TSHZ2: variants seen among roughly 807,000 people sequenced by gnomAD.
TSHZ2 encodes the protein teashirt zinc finger homeobox 2.
Under a neutral mutation model 74.4 loss-of-function variants are expected in TSHZ2, and 21 were observed. The ratio of observed to expected loss-of-function variants is 0.28; its 90% confidence interval spans 0.20 to 0.41. The LOEUF is 0.41. TSHZ2 is among the 10% of genes least tolerant of loss of function. TSHZ2 has a pLI of 1.00. For synonymous variants in TSHZ2, 540 were observed against 515.3 expected (o/e 1.05, Z -0.65); for missense variants, 1,244 against 1,293.5 (o/e 0.96, Z 0.59).
intron 1 of TSHZ2, among the ~76,000 whole-genome samples, chr20:53,236,662 A>G (rs1266094168): frequency 1.3e-5 from 2 of 152,210 alleles, no homozygotes; most frequent in Non-Finnish European, 1.5e-5. Flanking sequence ...ACGCTGCTCT[A>G]AAGAACTGCC....
chr20:53,407,531 G>A (rs545425783), intron 2 of TSHZ2, among the ~76,000 whole-genome samples: 6 of 152,296 alleles, frequency 3.9e-5, no homozygotes, highest in Admixed American at 2.6e-4. Flanking sequence ...ATGGAATCTC[G>A]TGGAAATGAA....
intron 1 of TSHZ2, among the ~76,000 whole-genome samples, chr20:53,097,405 TC>T (rs148977934): frequency 0.067 from 10,191 of 152,250 alleles, 436 homozygotes; most frequent in Non-Finnish European, 0.1. Flanking sequence ...AACTCTGATT[TC>T]CTGATGCAGA....
At chr20:53,399,721 C>T (rs6068537) in intron 2 of TSHZ2, 31,804 of 151,846 alleles carry the variant, frequency 0.21, 3,489 homozygotes, top group South Asian at 0.33. Context: ...CCTTGCCAGT[C>T]GCTGCTGACC....
intron 1 of TSHZ2, among the ~76,000 whole-genome samples, chr20:53,147,181 T>G (rs1987562243): frequency 6.6e-6 from 1 of 152,258 alleles, no homozygotes; most frequent in Non-Finnish European, 1.5e-5. Flanking sequence ...CTCTCATTAT[T>G]GGCTTTATAC....
At chr20:53,247,839 G>C (rs1429269320) in intron 1 of TSHZ2, among the ~76,000 whole-genome samples, 1 of 152,150 alleles carries the variant, frequency 6.6e-6, no homozygotes, top group Non-Finnish European at 1.5e-5. Context: ...GTTTTAAATT[G>C]TTCTTATGTT....
chr20:53,028,409 C>T lies in TSHZ2; in HGVS notation c.40+55076C>T, dbSNP rs558993624. On this transcript the variant is annotated intron_variant, in intron 1 of 2. Transcript: ENST00000371497. ...CAACAGCAATGTGGGCCACAGAACCCGGTGGCGGGAACCCTGGGCTTTGTT... is the reference window on the plus strand; with the variant it reads ...CAACAGCAATGTGGGCCACAGAACCTGGTGGCGGGAACCCTGGGCTTTGTT... Among the ~76,000 whole-genome samples the T allele has an allele frequency of 2.4e-4, 37 of 152,368 alleles. 1 individual carries two copies. In the South Asian group the frequency reaches 5.0e-3, roughly 20 times the overall value.
chr20:53,304,467 C>T (rs1978437407), intron 2 of TSHZ2, among the ~76,000 whole-genome samples: 1 of 151,938 alleles, frequency 6.6e-6, no homozygotes, highest in Non-Finnish European at 1.5e-5. Context: ...CACCATTCTA[C>T]CACCCCAAGA....
rs1011817958 is a variant in TSHZ2 at position 53,494,323 on chromosome 20, G to C, written c.*7188G>C. 6.6e-6 allele frequency: 1 copy of C among 151,716 alleles called. No homozygotes were observed. The highest frequency in any genetic ancestry group is 1.5e-5 in the Non-Finnish European group (1 of 68,072). 9.4% of individuals were successfully genotyped at this position (151,716 alleles called of 1,614,324 possible). A position where few individuals can be genotyped will look rare whatever the true frequency, so the allele number is the denominator to read the frequency against. On this transcript the variant is annotated 3_prime_UTR_variant, in exon 3 of 3. Transcript: ENST00000371497. ...AAAAGAATGGATTTTCAGAAAAAGT[G>C]CTCCCTTTCCTGTCCTGTGGTGCCA...
chr20:53,274,044 G>T (rs567759181), intron 2 of TSHZ2, among the ~76,000 whole-genome samples: 3 of 152,188 alleles, frequency 2.0e-5, no homozygotes, highest in Non-Finnish European at 4.4e-5. Flanking sequence ...ACTTTGGGAG[G>T]CCAAGGCGGG....
At chr20:53,447,337 T>C (rs1192724844) in intron 2 of TSHZ2, among the ~76,000 whole-genome samples, 1 of 152,222 alleles carries the variant, frequency 6.6e-6, no homozygotes, top group Non-Finnish European at 1.5e-5. Context: ...ATAAATCCCA[T>C]GGAAATGTGT....
chr20:53,173,199 C>A (rs1988243351), intron 1 of TSHZ2, among the ~76,000 whole-genome samples: 1 of 152,114 alleles, frequency 6.6e-6, no homozygotes, highest in African/African-American at 2.4e-5. Context: ...ATAACTTTAA[C>A]AAAATAAAAT....
intron 1 of TSHZ2, among the ~76,000 whole-genome samples, chr20:53,206,210 G>T (rs187601315): frequency 1.8e-4 from 28 of 152,212 alleles, no homozygotes; most frequent in Non-Finnish European, 5.9e-5. Flanking sequence ...AGAGCCAGAC[G>T]CCGTCTCAAA....
chr20:53,257,848 G>A (rs1353309725), intron 2 of TSHZ2, among the ~76,000 whole-genome samples: 2 of 152,064 alleles, frequency 1.3e-5, no homozygotes, highest in African/African-American at 2.4e-5. Flanking sequence ...ACATATAATC[G>A]CTCACCACAC....
chr20:53,376,443 C>A (rs1981659370), intron 2 of TSHZ2, among the ~76,000 whole-genome samples: 6 of 152,238 alleles, frequency 3.9e-5, no homozygotes, highest in Admixed American at 3.9e-4. Context: ...TCTTGTCTGA[C>A]TTCTTGGGGC....
At chr20:53,409,784 G>A (rs534282443) in intron 2 of TSHZ2, among the ~76,000 whole-genome samples, 4 of 151,416 alleles carry the variant, frequency 2.6e-5, no homozygotes, top group African/African-American at 9.7e-5. Context: ...GCAGAGCTGG[G>A]GACAAAGCCT....
Position 53,254,546 on chromosome 20 carries a change from A to G in TSHZ2, c.1088A>G (p.Gln363Arg). Residue 363 changes from glutamine (Q) to arginine (R), a missense_variant, in exon 2 of 3, where the codon CAA becomes CGA. By Grantham distance (43) the Gln-to-Arg change is conservative. This residue lies in a region of TSHZ2 where 470 missense variants were observed against 456.5 expected (regional missense o/e 1.03). Coordinates refer to ENST00000371497, the MANE Select transcript of TSHZ2 (RefSeq NM_173485.6). ...QLSSNNRYGY[Q>R]NGASYTWQFE... is the part of the protein sequence containing the mutation. Reference sequence around the variant, plus strand: ...TCCTCCAACAACCGCTATGGCTACCAAAATGGAGCCAGCTACACCTGGCAG... The same window carrying G: ...TCCTCCAACAACCGCTATGGCTACCGAAATGGAGCCAGCTACACCTGGCAG... 2 of 1,613,846 alleles carry G rather than the reference A, an allele frequency of 1.2e-6. No homozygotes were observed. Among genetic ancestry groups the G allele is most frequent in the South Asian group, 1.1e-5 (1 of 91,078 alleles).
chr20:53,276,908 C>T (rs1020595523), intron 2 of TSHZ2, among the ~76,000 whole-genome samples: 4 of 152,184 alleles, frequency 2.6e-5, no homozygotes, highest in Non-Finnish European at 5.9e-5. Flanking sequence ...ACACTCTGTC[C>T]TTTGTGAGAT....
In TSHZ2 at chr20:53,254,526, C is replaced by T; in HGVS notation, c.1068C>T (p.Ser356=). 1 of 1,614,100 alleles carries T rather than the reference C, an allele frequency of 6.2e-7. No individual in the cohort carries two copies. Among genetic ancestry groups the T allele is most frequent in the Non-Finnish European group, 8.5e-7 (1 of 1,179,990 alleles). ...SQKNANLQLS[S]NNRYGYQNGA... Reference sequence around the variant, plus strand: ...AGAACGCCAACTTGCAGTTGTCCTCCAACAACCGCTATGGCTACCAAAATG... The same window carrying T: ...AGAACGCCAACTTGCAGTTGTCCTCTAACAACCGCTATGGCTACCAAAATG... Residue 356 remains serine, a synonymous_variant, in exon 2 of 3, where the codon TCC becomes TCT. Transcript: ENST00000371497.
chr20:53,446,400 A>G lies in TSHZ2; in HGVS notation c.*9-40744A>G, dbSNP rs562818220. On this transcript the variant is annotated intron_variant, in intron 2 of 2. Transcript: ENST00000371497. ...AACACGGTGAAACCCCGTCTCTACT[A>G]AAAATACAAAAAAAAAAAAAAAAAA... Among the ~76,000 whole-genome samples, 15 of 72,746 alleles carry G rather than the reference A, an allele frequency of 2.1e-4. No individual in the cohort carries two copies. In the South Asian group the frequency reaches 8.8e-3, roughly 43 times the overall value. 47.7% of individuals were successfully genotyped at this position (72,746 alleles called of 152,430 possible).
Sources: gnomAD v4.1 joint callset for allele counts (sites outside exome capture counted in the v4.1 genomes callset) on GRCh38, gnomAD v4.1.1 for gene constraint, gnomAD v4.1.1 regional missense constraint, MANE v1.5 for transcripts, NCBI Gene and HGNC (gene_info 2026-07-23, HGNC 2026-07-21) for gene names.